The following CNTNAP2 variants were observed in gnomAD, a reference collection of about 807,000 sequenced individuals.
CNTNAP2 encodes contactin-associated protein-like 2.
In CNTNAP2, 98 loss-of-function variants were observed where a neutral mutation model predicts 155.2. The ratio of observed to expected loss-of-function variants is 0.63; its 90% confidence interval spans 0.54 to 0.75. The LOEUF is 0.75. Among genes scored for constraint, CNTNAP2 ranks in the 30% least tolerant of loss-of-function variants. The pLI is 0.00. For synonymous variants in CNTNAP2, 651 were observed against 631.2 expected (o/e 1.03, Z -0.47); for missense variants, 1,727 against 1,688.1 (o/e 1.02, Z -0.40).
At chr7:147,322,408 T>C (rs1027253984) in intron 9 of CNTNAP2, among the ~76,000 whole-genome samples, 1 of 152,218 alleles carries the variant, frequency 6.6e-6, no homozygotes, top group African/African-American at 2.4e-5. Context: ...GTGTGCTCAA[T>C]TGTATTTAAT....
intron 3 of CNTNAP2, among the ~76,000 whole-genome samples, chr7:146,932,623 A>T (rs375423028): frequency 6.6e-6 from 1 of 152,150 alleles, no homozygotes; most frequent in African/African-American, 2.4e-5. Flanking sequence ...AGGGTATTCA[A>T]TTAGGAAAAG....
At chr7:148,360,815 T>C (rs556454240) in intron 21 of CNTNAP2, among the ~76,000 whole-genome samples, 1 of 144,326 alleles carries the variant, frequency 6.9e-6, no homozygotes, top group East Asian at 1.9e-4. Context: ...TTTTTCTTTT[T>C]CTTTTTTTTT....
intron 1 of CNTNAP2, among the ~76,000 whole-genome samples, chr7:146,277,770 T>C (rs997058104): frequency 1.3e-5 from 2 of 152,154 alleles, no homozygotes; most frequent in Non-Finnish European, 2.9e-5. Flanking sequence ...GCCAATGAAC[T>C]AATGGACTCC....
rs1433742187 is a variant in CNTNAP2 at position 148,091,425 on chromosome 7, A to G, written c.2384-26693A>G. On this transcript the variant is annotated intron_variant, in intron 15 of 23. Transcript: ENST00000361727. ...TAAAAATTTACACCTTCCTTTTGGA[A>G]TAAATATCCCAGCTCTCAAAGCTGA... is the stretch of plus-strand genomic sequence containing the variant. Among the ~76,000 whole-genome samples the G allele has an allele frequency of 3.3e-5, 5 of 152,178 alleles. No individual in the cohort carries two copies. In the East Asian group the frequency reaches 9.6e-4, roughly 29 times the overall value.
chr7:148,130,559 C>G (rs1298824754), intron 16 of CNTNAP2, among the ~76,000 whole-genome samples: 2 of 152,228 alleles, frequency 1.3e-5, no homozygotes, highest in East Asian at 1.9e-4. Context: ...ATGATTCCCC[C>G]TGTGCCTTAT....
chr7:147,144,187 T>C (rs1462781147), intron 8 of CNTNAP2, among the ~76,000 whole-genome samples: 1 of 152,232 alleles, frequency 6.6e-6, no homozygotes, highest in Non-Finnish European at 1.5e-5. Flanking sequence ...CAAATCATGT[T>C]GTCTCTGAAG....
chr7:146,880,070 G>C (rs116700001), intron 3 of CNTNAP2, among the ~76,000 whole-genome samples: 2,095 of 152,060 alleles, frequency 0.014, 44 homozygotes, highest in African/African-American at 0.047. Flanking sequence ...TTCCCACCTG[G>C]TCCCTCCCAC....
rs140222861 is a variant in CNTNAP2 at position 147,077,363 on chromosome 7, C to CT, written c.551-30776dup. Reference sequence around the variant, plus strand: ...AATGCAATTATGATTAGCAGAAATGCTTTTTTTTCAATTGCACACTTTATT... The same window carrying CT: ...AATGCAATTATGATTAGCAGAAATGCTTTTTTTTTCAATTGCACACTTTATT... On this transcript the variant is annotated intron_variant, in intron 4 of 23. Coordinates refer to ENST00000361727, the MANE Select transcript of CNTNAP2 (RefSeq NM_014141.6). 8.7e-3 allele frequency among the ~76,000 whole-genome samples: 1,323 copies of CT among 151,798 alleles called. 23 individuals are homozygous for CT. The highest frequency in any genetic ancestry group is 0.03 in the African/African-American group (1,229 of 41,398).
chr7:148,168,732 T>A (rs929093535), intron 17 of CNTNAP2, among the ~76,000 whole-genome samples: 2 of 152,200 alleles, frequency 1.3e-5, no homozygotes, highest in African/African-American at 2.4e-5. Flanking sequence ...GAAAAATATC[T>A]CCATTCTTCA....
At chr7:148,051,888 C>G (rs1255574257) in intron 15 of CNTNAP2, among the ~76,000 whole-genome samples, 13 of 151,956 alleles carry the variant, frequency 8.6e-5, no homozygotes, top group Non-Finnish European at 1.5e-4. Flanking sequence ...GCCTGTAATC[C>G]CAGCAGTTTG....
At chr7:148,164,431 G>A (rs1353656980) in intron 17 of CNTNAP2, among the ~76,000 whole-genome samples, 1 of 152,040 alleles carries the variant, frequency 6.6e-6, no homozygotes, top group Non-Finnish European at 1.5e-5. Context: ...GCCAAGGTCA[G>A]GGTGGGTCAC....
chr7:146,841,969 G>A (rs1000646485), intron 3 of CNTNAP2, among the ~76,000 whole-genome samples: 7 of 150,034 alleles, frequency 4.7e-5, no homozygotes, highest in Admixed American at 4.0e-4. Context: ...TGCAACCTCC[G>A]CCTCCTGGAT....
intron 1 of CNTNAP2, among the ~76,000 whole-genome samples, chr7:146,578,501 T>A (rs1798559825): frequency 6.6e-6 from 1 of 152,184 alleles, no homozygotes; most frequent in East Asian, 1.9e-4. Flanking sequence ...GGTAGTTAAT[T>A]GTTTTAAGTT....
chr7:147,448,555 G>A (rs1403893380), intron 10 of CNTNAP2, among the ~76,000 whole-genome samples: 3 of 150,614 alleles, frequency 2.0e-5, no homozygotes, highest in African/African-American at 7.3e-5. Flanking sequence ...TACTGAACAA[G>A]TATATGGCAA....
chr7:148,306,286 T>C (rs1485512006), intron 21 of CNTNAP2, among the ~76,000 whole-genome samples: 1 of 152,196 alleles, frequency 6.6e-6, no homozygotes, highest in Non-Finnish European at 1.5e-5. Flanking sequence ...TGAATATTAT[T>C]TGATGTGGGT....
intron 1 of CNTNAP2, among the ~76,000 whole-genome samples, chr7:146,742,912 C>T (rs1801744215): frequency 6.6e-6 from 1 of 151,824 alleles, no homozygotes; most frequent in African/African-American, 2.4e-5. Context: ...CTCATAGATT[C>T]CATAAAGAAG....
chr7:147,016,548 G>A (rs946388311), intron 3 of CNTNAP2, among the ~76,000 whole-genome samples: 13 of 152,160 alleles, frequency 8.5e-5, no homozygotes, highest in African/African-American at 2.9e-4. Context: ...TCCATTTGAT[G>A]AGTGAGTTGC....
chr7:147,425,991 T>C (rs541398057), intron 10 of CNTNAP2, among the ~76,000 whole-genome samples: 4 of 152,252 alleles, frequency 2.6e-5, no homozygotes, highest in African/African-American at 9.6e-5. Context: ...ATATGTTGTA[T>C]AGTTCTATGT....
intron 10 of CNTNAP2, among the ~76,000 whole-genome samples, chr7:147,455,593 G>A (rs58758413): frequency 3.3e-5 from 5 of 152,074 alleles, no homozygotes; most frequent in African/African-American, 1.2e-4. Flanking sequence ...GTAAAATCTT[G>A]ATGTAAACTA....
Sources: gnomAD v4.1 joint callset for allele counts (sites outside exome capture counted in the v4.1 genomes callset) on GRCh38, gnomAD v4.1.1 for gene constraint, MANE v1.5 for transcripts, NCBI Gene and HGNC (gene_info 2026-07-23, HGNC 2026-07-21) for gene names.